Variants in GPR157 observed in about 807,000 individuals in gnomAD.
The protein encoded by GPR157 is G-protein coupled receptor 157.
GPR157 carries 16 observed loss-of-function variants against 23.5 expected under a neutral mutation model. The ratio of observed to expected loss-of-function variants is 0.68; its 90% CI spans 0.46 to 1.04. GPR157 has a LOEUF of 1.04. Ranked by LOEUF, GPR157 falls within the 50% of genes least tolerant of loss-of-function variation. The pLI is 0.00. For missense variants in GPR157, 440 were observed against 460.7 expected (o/e 0.96, Z 0.41); for synonymous variants, 200 against 221.5 (o/e 0.90, Z 0.86).
At chr1:9,121,512 C>T (rs959473571) in intron 1 of GPR157, among the ~76,000 whole-genome samples, 10 of 151,840 alleles carry the variant, frequency 6.6e-5, no homozygotes, top group African/African-American at 1.7e-4. Context: ...TGGTGGTGTA[C>T]GCCTGTATTC....
rs1638490801 is a variant in GPR157 at position 9,111,372 on chromosome 1, G to C, written c.501C>G (p.Val167=). ...GCTTCCCCGTCAGCAGCATCCACAG[G>C]ACATGGTCCTTGGCCTCCAGGTCGA... The part of the protein sequence containing the change: ...CWIDLEAKDH[V]LWMLLTGKLW... The change falls in exon 2 of 4, where the codon GTC becomes GTG. Residue 167 remains valine, a synonymous_variant. Coordinates refer to ENST00000377411, the MANE Select transcript of GPR157 (RefSeq NM_024980.5). 6.2e-7 allele frequency: 1 copy of C among 1,614,188 alleles called. No homozygotes were observed. Among genetic ancestry groups the C allele is most frequent in the Non-Finnish European group, 8.5e-7 (1 of 1,180,024 alleles).
rs1339166604 is a variant in GPR157, at chr1:9,102,410, C to CACA, written c.*2008_*2009insTGT. The CACA allele has an allele frequency of 4.0e-5, 2 of 50,172 alleles. No individual in the cohort carries two copies. Among genetic ancestry groups the CACA allele is most frequent in the Non-Finnish European group, 9.8e-5 (2 of 20,344 alleles). 3.1% of individuals were successfully genotyped at this position (50,172 alleles called of 1,614,324 possible). Reference sequence around the variant, plus strand: ...TGGGCAATAGAGTGAGACTCCATCTCAAAAAAAAAAAAAAAAAAAAAGAAA... The same window carrying CACA: ...TGGGCAATAGAGTGAGACTCCATCTCACAAAAAAAAAAAAAAAAAAAAAAGAAA... On this transcript the variant is annotated 3_prime_UTR_variant, in exon 4 of 4. Transcript: ENST00000377411.
chr1:9,123,132 T>C (rs1638835397), intron 1 of GPR157, among the ~76,000 whole-genome samples: 1 of 141,470 alleles, frequency 7.1e-6, no homozygotes, highest in Non-Finnish European at 1.5e-5. Context: ...TACCCCAGCC[T>C]GGGCAACAAG....
rs546857211 is a variant in GPR157 at position 9,114,611 on chromosome 1, C to T, written c.384-3122G>A. On this transcript the variant is annotated intron_variant, in intron 1 of 3. Transcript: ENST00000377411. ...ATCCCGACGGGCCCTCATGGGAAACCGGGGGACCACACGGAACCGCACTCT... is the reference window on the plus strand; with the variant it reads ...ATCCCGACGGGCCCTCATGGGAAACTGGGGGACCACACGGAACCGCACTCT... 4.6e-5 allele frequency among the ~76,000 whole-genome samples: 7 copies of T among 152,238 alleles called. No homozygotes were observed. The East Asian group carries it at 9.7e-4, about 21-fold the overall frequency.
chr1:9,114,000 C>CACACACA (rs70985587), intron 1 of GPR157, among the ~76,000 whole-genome samples: 1 of 140,836 alleles, frequency 7.1e-6, no homozygotes. Context: ...CACACACACA[C>CACACACA]CACCCATAAA....
intron 1 of GPR157, among the ~76,000 whole-genome samples, chr1:9,123,658 TA>T (rs1313937581): frequency 3.6e-5 from 4 of 111,750 alleles, no homozygotes; most frequent in South Asian, 2.4e-4. Context: ...AAATATATAT[TA>T]AATATATATT....
At chr1:9,117,531 G>A (rs1638709048) in intron 1 of GPR157, among the ~76,000 whole-genome samples, 1 of 152,188 alleles carries the variant, frequency 6.6e-6, no homozygotes, top group African/African-American at 2.4e-5. Context: ...AGGCCGAGGT[G>A]GGCAGATCAC....
In GPR157 at chr1:9,105,665, C is replaced by A. The variant is rs1031730929; in HGVS notation, c.613G>T (p.Glu205Ter). 1 of 1,610,432 alleles carries A rather than the reference C, an allele frequency of 6.2e-7. No homozygotes were observed. Among genetic ancestry groups the A allele is most frequent in the African/African-American group, 1.3e-5 (1 of 75,004 alleles). ...HINRAHTALS[E>*]YRPILSQEHR... ...TCCTGGGAGAGGATGGGCCGGTACT[C>A]AGAGAGTGCCGTGTGCTGTGTGGGG... Residue 205 changes from glutamate (E) to a stop codon, truncating the protein, a stop_gained, in exon 3 of 4, where the codon GAG becomes TAG. Transcript: ENST00000377411. LOFTEE classifies it high-confidence loss of function. This position sits in a 1 kb window ranked among gnomAD's most constrained non-coding sequence, Gnocchi z 4.8.
chr1:9,128,541 T>G lies in GPR157; in HGVS notation c.383+104A>C. 1.8e-6 allele frequency: 2 copies of G among 1,086,096 alleles called. No individual in the cohort carries two copies. Among genetic ancestry groups the G allele is most frequent in the Non-Finnish European group, 2.7e-6 (2 of 734,386 alleles). 67.3% of individuals were successfully genotyped at this position (1,086,096 alleles called of 1,614,324 possible). A position where few individuals can be genotyped will look rare whatever the true frequency, so the allele number is the denominator to read the frequency against. On this transcript the variant is annotated intron_variant, in intron 1 of 3. Transcript: ENST00000377411. This position sits in a 1 kb window ranked among gnomAD's most constrained non-coding sequence, Gnocchi z 6.3. The stretch of plus-strand genomic sequence containing the variant: ...GGGCGCCAGCAGGCACTGCTTGCTG[T>G]GGGTAGGGGGTGTCCAACCTAGACG...
chr1:9,103,236 T>G lies in GPR157; in HGVS notation c.*1183A>C, dbSNP rs747643123. On this transcript the variant is annotated 3_prime_UTR_variant, in exon 4 of 4. Transcript: ENST00000377411. ...TGGAGTGCAATGGTGTGGTCTTGGC[T>G]CACCGCAACCTCCGCCTCCCAGGTT... 2.1e-4 allele frequency: 32 copies of G among 152,204 alleles called. No individual in the cohort carries two copies. Among genetic ancestry groups the G allele is most frequent in the Non-Finnish European group, 2.9e-4 (20 of 68,126 alleles). 9.4% of individuals were successfully genotyped at this position (152,204 alleles called of 1,614,324 possible). A position where few individuals can be genotyped will look rare whatever the true frequency, so the allele number is the denominator to read the frequency against.
rs112174544 is a variant in GPR157 at position 9,104,059 on chromosome 1, G to C, written c.*360C>G. 13 of 235,842 alleles carry C rather than the reference G, an allele frequency of 5.5e-5. No homozygotes were observed. Among genetic ancestry groups the C allele is most frequent in the African/African-American group, 2.6e-4 (12 of 45,600 alleles). 14.6% of individuals were successfully genotyped at this position (235,842 alleles called of 1,614,324 possible). On this transcript the variant is annotated 3_prime_UTR_variant, in exon 4 of 4. Coordinates refer to ENST00000377411, the MANE Select transcript of GPR157 (RefSeq NM_024980.5). ...TAATCACACAGAGGATAGGTGCACA[G>C]ATGTGGGTCCCTCAGATTGTAAACA...
intron 1 of GPR157, among the ~76,000 whole-genome samples, chr1:9,112,637 G>A (rs1394329141): frequency 6.6e-6 from 1 of 152,166 alleles, no homozygotes; most frequent in African/African-American, 2.4e-5. Context: ...ATTTCTAGTA[G>A]AGACAGGGTT....
intron 1 of GPR157, among the ~76,000 whole-genome samples, chr1:9,113,363 C>A (rs1638556920): frequency 1.3e-5 from 2 of 152,198 alleles, no homozygotes; most frequent in African/African-American, 2.4e-5. Context: ...GCCAGGAGAA[C>A]TGTGCTTCAA....
intron 2 of GPR157, among the ~76,000 whole-genome samples, chr1:9,110,492 C>T (rs1187125038): frequency 6.6e-6 from 1 of 152,168 alleles, no homozygotes; most frequent in East Asian, 1.9e-4. Flanking sequence ...CACTGCACTC[C>T]AACCTGGGCG....
chr1:9,123,398 T>C (rs191385242), intron 1 of GPR157, among the ~76,000 whole-genome samples: 1 of 106,570 alleles, frequency 9.4e-6, no homozygotes, highest in African/African-American at 3.8e-5. Flanking sequence ...AATTTAAATA[T>C]ATATTTAATT....
Position 9,123,543 on chromosome 1 carries a change from TCTA to T in GPR157, c.383+5099_383+5101del, listed in dbSNP as rs1307774130. On this transcript the variant is annotated intron_variant, in intron 1 of 3. Transcript: ENST00000377411. The stretch of plus-strand genomic sequence containing the variant: ...TAATTTAAATATATATTTAAATATA[TCTA>T]ATTTAAATATATATTTAAATATATT... Among the ~76,000 whole-genome samples the T allele has an allele frequency of 1.0e-4, 2 of 19,712 alleles. 1 individual carries two copies. Among genetic ancestry groups the T allele is most frequent in the African/African-American group, 4.0e-4 (2 of 5,040 alleles). The allele number at this position is 19,712 out of a possible 152,430, so 12.9% of individuals were successfully genotyped here. A position where few individuals can be genotyped will look rare whatever the true frequency, so the allele number is the denominator to read the frequency against.
intron 1 of GPR157, among the ~76,000 whole-genome samples, chr1:9,114,920 CAAAAAAA>C (rs70985588): frequency 2.3e-5 from 2 of 85,506 alleles, no homozygotes; most frequent in African/African-American, 4.5e-5. Flanking sequence ...GACTCCGTCT[CAAAAAAA>C]AAAAAAAAAA....
At chr1:9,117,059 G>T (rs77806196) in intron 1 of GPR157, among the ~76,000 whole-genome samples, 2,100 of 152,128 alleles carry the variant, frequency 0.014, 63 homozygotes, top group African/African-American at 0.048. Flanking sequence ...TTCAAAATGG[G>T]ATCTCACTAT....
intron 1 of GPR157, among the ~76,000 whole-genome samples, chr1:9,126,758 A>G (rs1384409991): frequency 6.6e-6 from 1 of 152,204 alleles, no homozygotes. Flanking sequence ...CTGAGTGCTG[A>G]GAACTCCAGA....
Sources: allele counts gnomAD v4.1 joint callset (sites outside exome capture counted in the v4.1 genomes callset), GRCh38; gene constraint gnomAD v4.1.1; non-coding constraint Gnocchi (gnomAD v3.1); transcripts MANE v1.5; gene names NCBI Gene and HGNC (gene_info 2026-07-23, HGNC 2026-07-21).